OTOGL: variants seen among roughly 807,000 people sequenced by gnomAD.
OTOGL encodes the protein otogelin-like protein.
OTOGL carries 285 observed loss-of-function variants against 318.5 expected under a neutral mutation model. The observed-to-expected ratio is 0.89, with a 90% confidence interval of 0.81 to 0.99. The LOEUF is 0.99. Ranked by LOEUF, OTOGL falls within the 50% of genes least tolerant of loss-of-function variation. The probability of loss-of-function intolerance (pLI) is 0.00; values close to 1 mark genes in which losing one functional copy is unlikely to be tolerated. For missense variants in OTOGL, 2,899 were observed against 2,845.6 expected (o/e 1.02, Z -0.43); for synonymous variants, 987 against 936.5 (o/e 1.05, Z -0.99).
intron 8 of OTOGL, among the ~76,000 whole-genome samples, chr12:80,229,878 C>T (rs1879211520): frequency 6.6e-6 from 1 of 152,040 alleles, no homozygotes; most frequent in Non-Finnish European, 1.5e-5. Flanking sequence ...GACTGAGAGC[C>T]AACAACTGCC....
At chr12:80,172,618 C>G (rs1400495472) in intron 1 of OTOGL, among the ~76,000 whole-genome samples, 3 of 151,132 alleles carry the variant, frequency 2.0e-5, no homozygotes, top group African/African-American at 2.4e-5. Flanking sequence ...TTTTTTTTTC[C>G]TATCTTATGT....
intron 34 of OTOGL, among the ~76,000 whole-genome samples, chr12:80,323,130 ACACACACACACACAC>A: frequency 7.6e-6 from 1 of 132,024 alleles, no homozygotes; most frequent in Non-Finnish European, 1.7e-5. Context: ...ACACACACAC[ACACACACACACACAC>A]ACATATATAA....
At chr12:80,363,874 T>C (rs1412266615) in intron 52 of OTOGL, among the ~76,000 whole-genome samples, 2 of 152,160 alleles carry the variant, frequency 1.3e-5, no homozygotes, top group African/African-American at 4.8e-5. Flanking sequence ...TCTATGTTCA[T>C]ACATTAACCT....
intron 29 of OTOGL, among the ~76,000 whole-genome samples, chr12:80,307,017 G>T (rs1041031690): frequency 6.7e-6 from 1 of 148,522 alleles, no homozygotes; most frequent in African/African-American, 2.6e-5. Flanking sequence ...CTCTTAACGA[G>T]CATGCTGCCT....
chr12:80,274,672 T>C (rs1249978655), intron 24 of OTOGL, among the ~76,000 whole-genome samples: 1 of 152,062 alleles, frequency 6.6e-6, no homozygotes, highest in East Asian at 1.9e-4. Context: ...TAGGACTTTC[T>C]TAGCTAGAGA....
intron 1 of OTOGL, among the ~76,000 whole-genome samples, chr12:80,177,295 G>A (rs1239526158): frequency 2.0e-5 from 3 of 152,138 alleles, no homozygotes; most frequent in Non-Finnish European, 2.9e-5. Flanking sequence ...CATTTGTATA[G>A]GTTGTAAGGG....
At chr12:80,216,656 C>A (rs914087251) in intron 4 of OTOGL, among the ~76,000 whole-genome samples, 2 of 152,066 alleles carry the variant, frequency 1.3e-5, no homozygotes, top group South Asian at 2.1e-4. Flanking sequence ...AACTATACAA[C>A]GAGGGAAGTG....
At chr12:80,328,794 A>T in intron 36 of OTOGL, 50 bp downstream of exon 36, 1 of 1,488,596 alleles carries the variant, frequency 6.7e-7, no homozygotes, top group Non-Finnish European at 9.3e-7. Flanking sequence ...ACGCTTGCAT[A>T]TGTTTTTTCC....
At position 80,368,312 on chromosome 12, in the gene OTOGL, A is replaced by G. The variant is rs753831318; in HGVS notation, c.6615+3A>G. 1.3e-6 allele frequency: 2 copies of G among 1,568,980 alleles called. No individual in the cohort carries two copies. Among genetic ancestry groups the G allele is most frequent in the South Asian group, 1.2e-5 (1 of 86,648 alleles). On this transcript the variant is annotated splice_donor_region_variant and intron_variant, in intron 55 of 58. Coordinates refer to ENST00000547103, the MANE Select transcript of OTOGL (RefSeq NM_001378609.3). ...ATGGAACATCAGTTGTATACGCGGT[A>G]TGTTTCATGGAGAGTAATGCTCTGT...
intron 27 of OTOGL, among the ~76,000 whole-genome samples, chr12:80,301,016 C>T (rs1885725853): frequency 6.6e-6 from 1 of 152,208 alleles, no homozygotes; most frequent in South Asian, 2.1e-4. Flanking sequence ...GTCTAGGAGA[C>T]TGAAAACTCC....
rs749976711 is a variant in OTOGL, at chr12:80,251,694, A to G, written c.1054A>G (p.Thr352Ala). The G allele has an allele frequency of 3.2e-6, 5 of 1,581,364 alleles. No individual in the cohort carries two copies. The highest frequency in any genetic ancestry group is 4.3e-6 in the Non-Finnish European group (5 of 1,161,716). Residue 352 changes from threonine to alanine, a missense_variant and splice_region_variant, in exon 12 of 59, where the codon ACT becomes GCT. Physicochemically the swap from Thr to Ala is moderately conservative, Grantham distance 58. This residue lies in a region of OTOGL where 2,607 missense variants were observed against 2,524.9 expected (regional missense o/e 1.03). Transcript: ENST00000547103. ...IASCVNDLCK[T>A]DDDETYCRAA... is the part of the protein sequence containing the mutation. Reference sequence around the variant, plus strand: ...TGGCTCTGTCTTTTCACTTTCTAGAACTGATGATGATGAAACCTATTGCCG... The same window carrying G: ...TGGCTCTGTCTTTTCACTTTCTAGAGCTGATGATGATGAAACCTATTGCCG...
chr12:80,229,229 GCTTT>G (rs748561338), intron 7 of OTOGL, 24 bp from the exon 8 acceptor site: 1 of 1,587,940 alleles, frequency 6.3e-7, no homozygotes. Context: ...TTGTTCCTAT[GCTTT>G]CTTTTTGTTT....
intron 1 of OTOGL, among the ~76,000 whole-genome samples, chr12:80,127,160 G>T (rs1232555762): frequency 6.6e-6 from 1 of 152,216 alleles, no homozygotes; most frequent in Non-Finnish European, 1.5e-5. Flanking sequence ...AATTTGGCAT[G>T]TTTTTGCAGT....
rs572177242 is a variant in OTOGL at position 80,322,369 on chromosome 12, C to T, written c.4082-1354C>T. Among the ~76,000 whole-genome samples, 22 of 152,264 alleles carry T rather than the reference C, an allele frequency of 1.4e-4. 1 individual carries two copies. Among genetic ancestry groups the T allele is most frequent in the Admixed American group, 1.2e-3 (19 of 15,290 alleles). On this transcript the variant is annotated intron_variant, in intron 34 of 58. Transcript: ENST00000547103. The stretch of plus-strand genomic sequence containing the variant: ...GCCCCATTTGAGGCTTAGAGAACTG[C>T]AGCACATGGCATCATCAGAATATCA...
At chr12:80,272,070 A>T (rs1883451881) in intron 24 of OTOGL, among the ~76,000 whole-genome samples, 1 of 152,156 alleles carries the variant, frequency 6.6e-6, no homozygotes, top group Admixed American at 6.6e-5. Flanking sequence ...TGCAATTTTG[A>T]GAAAGTGACA....
At chr12:80,331,466 A>G (rs1307230217) in intron 37 of OTOGL, among the ~76,000 whole-genome samples, 2 of 145,642 alleles carry the variant, frequency 1.4e-5, no homozygotes, top group Non-Finnish European at 3.0e-5. Context: ...TCATCCTCCC[A>G]AGTAGCTGGA....
chr12:80,268,900 G>C (rs1219295330), intron 22 of OTOGL, among the ~76,000 whole-genome samples: 1 of 119,676 alleles, frequency 8.4e-6, no homozygotes, highest in Non-Finnish European at 1.7e-5. Context: ...TGTAAACTTA[G>C]CAAAAAAAAA....
chr12:80,359,302 G>A (rs900956276), intron 52 of OTOGL, among the ~76,000 whole-genome samples: 10 of 152,066 alleles, frequency 6.6e-5, no homozygotes, highest in African/African-American at 2.4e-4. Context: ...CTTCTTAAGC[G>A]TTATCTGCGA....
At chr12:80,103,679 A>G (rs934313245) in intron 1 of OTOGL, among the ~76,000 whole-genome samples, 1 of 152,226 alleles carries the variant, frequency 6.6e-6, no homozygotes, top group African/African-American at 2.4e-5. Context: ...TGCCTTGCAC[A>G]TAGTTGGCAT....
Sources: gnomAD v4.1 joint callset for allele counts (sites outside exome capture counted in the v4.1 genomes callset) on GRCh38, gnomAD v4.1.1 for gene constraint, gnomAD v4.1.1 regional missense constraint, MANE v1.5 for transcripts, NCBI Gene and HGNC (gene_info 2026-07-23, HGNC 2026-07-21) for gene names.